SLK: variants seen among roughly 807,000 people sequenced by gnomAD.
SLK encodes STE20 like kinase.
SLK carries 67 observed loss-of-function variants against 147.7 expected under a neutral mutation model. The observed-to-expected ratio is 0.45, with a 90% CI of 0.37 to 0.56. SLK has a LOEUF of 0.56. Among genes scored for constraint, SLK ranks in the 20% least tolerant of loss-of-function variants. The pLI is 0.00. For synonymous variants in SLK, 441 were observed against 475.0 expected (o/e 0.93, Z 0.93); for missense variants, 1,136 against 1,438.8 (o/e 0.79, Z 3.41).
intron 1 of SLK, among the ~76,000 whole-genome samples, chr10:103,975,416 G>A (rs1298736188): frequency 6.6e-6 from 1 of 151,936 alleles, no homozygotes; most frequent in Non-Finnish European, 1.5e-5. Flanking sequence ...TGCCTTCCCC[G>A]CCAAACCTAA....
At chr10:104,018,936 T>C (rs765780422) in intron 15 of SLK, 28 bp downstream of exon 15, 1 of 1,546,862 alleles carries the variant, frequency 6.5e-7, no homozygotes, top group East Asian at 2.3e-5. Flanking sequence ...TTCTTCATTT[T>C]TTTGTTCGTT....
intron 1 of SLK, among the ~76,000 whole-genome samples, chr10:103,982,606 A>G (rs1478444019): frequency 5.3e-5 from 8 of 152,248 alleles, no homozygotes. Flanking sequence ...AAGAATATGT[A>G]CAGTCGATCC....
chr10:103,986,480 CAG>C (rs1844014978), intron 1 of SLK, among the ~76,000 whole-genome samples: 1 of 152,090 alleles, frequency 6.6e-6, no homozygotes, highest in Non-Finnish European at 1.5e-5. Context: ...TGACAGGAGA[CAG>C]AGCTCAGGTG....
Position 104,019,775 on chromosome 10 carries a change from G to A in SLK, c.3174G>A (p.Glu1058=). 6.2e-7 allele frequency: 1 copy of A among 1,614,114 alleles called. No individual in the cohort carries two copies. Among genetic ancestry groups the A allele is most frequent in the Non-Finnish European group, 8.5e-7 (1 of 1,179,970 alleles). The change falls in exon 16 of 19, where the codon GAG becomes GAA. Residue 1058 remains glutamate, a synonymous_variant. Transcript: ENST00000369755. ...QMQRYNQRLI[E]ELKNRQTQER... ...AGCGTTACAATCAAAGACTTATTGA[G>A]GAATTGAAAAACAGACAGACTCAAG...
rs1262391774 is a variant in SLK at position 103,999,306 on chromosome 10, T to C, written c.775T>C (p.Ser259Pro). 6.3e-7 allele frequency: 1 copy of C among 1,594,154 alleles called. No individual in the cohort carries two copies. The highest frequency in any genetic ancestry group is 8.5e-7 in the Non-Finnish European group (1 of 1,173,322). Reference protein sequence around the residue: ...KSEPPTLAQPSRWSSNFKDFL... With the variant: ...KSEPPTLAQPPRWSSNFKDFL... ...TGAGCCACCTACATTAGCACAGCCA[T>C]CCAGATGGTAAAAATATTCTTAAAA... The change falls in exon 6 of 19, where the codon TCC (serine) becomes CCC (proline). Residue 259 changes from serine (S) to proline (P), a missense_variant. By Grantham distance (74) the Ser-to-Pro change is moderately conservative. Coordinates refer to ENST00000369755, the MANE Select transcript of SLK (RefSeq NM_014720.4).
At position 103,992,582 on chromosome 10, in the gene SLK, T is replaced by A; in HGVS notation, c.316-16T>A. 1 of 1,581,738 alleles carries A rather than the reference T, an allele frequency of 6.3e-7. No homozygotes were observed. The highest frequency in any genetic ancestry group is 8.5e-7 in the Non-Finnish European group (1 of 1,170,216). On this transcript the variant is annotated splice_polypyrimidine_tract_variant and intron_variant, in intron 2 of 18. Coordinates refer to ENST00000369755, the MANE Select transcript of SLK (RefSeq NM_014720.4). ...TAGTTTTAGACACACGCTTTTTTTT[T>A]TTTTTTTGCATGCAGATCCTCATTG... is the stretch of plus-strand genomic sequence containing the variant.
Position 103,967,835 on chromosome 10 carries a change from C to G in SLK, c.90C>G (p.Pro30=), listed in dbSNP as rs1337794451. The G allele has an allele frequency of 6.2e-7, 1 of 1,614,084 alleles. No individual in the cohort carries two copies. Among genetic ancestry groups the G allele is most frequent in the Non-Finnish European group, 8.5e-7 (1 of 1,179,976 alleles). The change falls in exon 1 of 19, where the codon CCC becomes CCG. Residue 30 remains proline, a synonymous_variant. Coordinates refer to ENST00000369755, the MANE Select transcript of SLK (RefSeq NM_014720.4). ...AACACGTGAAGAGGGACCTGAACCCCGAAGACTTTTGGGAGATTATAGGAG... is the reference window on the plus strand; with the variant it reads ...AACACGTGAAGAGGGACCTGAACCCGGAAGACTTTTGGGAGATTATAGGAG... ...QYEHVKRDLN[P]EDFWEIIGEL...
At chr10:104,014,203 T>A (rs1183268589) in intron 13 of SLK, among the ~76,000 whole-genome samples, 1 of 152,242 alleles carries the variant, frequency 6.6e-6, no homozygotes, top group Non-Finnish European at 1.5e-5. Context: ...TATGTAGATG[T>A]TTTAATTATG....
intron 9 of SLK, among the ~76,000 whole-genome samples, chr10:104,004,999 C>T (rs571026263): frequency 5.3e-5 from 8 of 151,962 alleles, no homozygotes; most frequent in East Asian, 3.9e-4. Flanking sequence ...GAGGGGCTGT[C>T]GATATTATTG....
At chr10:103,976,655 T>A (rs1375495981) in intron 1 of SLK, among the ~76,000 whole-genome samples, 1 of 152,130 alleles carries the variant, frequency 6.6e-6, no homozygotes, top group Non-Finnish European at 1.5e-5. Context: ...TTTGTGAGTT[T>A]TAGTAAATCT....
In SLK at chr10:104,018,267, T is replaced by C. The variant is rs780570149; in HGVS notation, c.2985T>C (p.Asn995=). Residue 995 remains asparagine, a synonymous_variant, in exon 14 of 19, where the codon AAT becomes AAC. Coordinates refer to ENST00000369755, the MANE Select transcript of SLK (RefSeq NM_014720.4). ...ELANIERECL[N]NKQQLMRARE... Reference sequence around the variant, plus strand: ...CTAATATTGAGAGAGAGTGCCTGAATAACAAGCAACAGCTCATGAGAGGTA... The same window carrying C: ...CTAATATTGAGAGAGAGTGCCTGAACAACAAGCAACAGCTCATGAGAGGTA... The C allele has an allele frequency of 1.3e-6, 2 of 1,596,800 alleles. No individual in the cohort carries two copies. The highest frequency in any genetic ancestry group is 1.7e-6 in the Non-Finnish European group (2 of 1,175,918).
Position 104,002,412 on chromosome 10 carries a change from C to T in SLK, c.1234C>T (p.Leu412Phe). 1 of 1,613,938 alleles carries T rather than the reference C, an allele frequency of 6.2e-7. No homozygotes were observed. Among genetic ancestry groups the T allele is most frequent in the Non-Finnish European group, 8.5e-7 (1 of 1,180,004 alleles). ...TGCTCAGTTAGAAGCAATGACTGAA[C>T]TCCATGACAGAACAGCAGTAATCAA... ...TDAQLEAMTELHDRTAVIKEN... is the reference protein window; with the variant it reads ...TDAQLEAMTEFHDRTAVIKEN... Residue 412 changes from leucine (L) to phenylalanine (F), a missense_variant, in exon 9 of 19, where the codon CTC becomes TTC. Transcript: ENST00000369755.
At position 103,967,728 on chromosome 10, in the gene SLK, T is replaced by G. The variant is rs200364911; in HGVS notation, c.-18T>G. On this transcript the variant is annotated 5_prime_UTR_variant, in exon 1 of 19. Coordinates refer to ENST00000369755, the MANE Select transcript of SLK (RefSeq NM_014720.4). ...TTTTTAGTCCTTAAGTGCAAGGAACTCTGTGTTGGGAGGAAAAATGTCCTT... is the reference window on the plus strand; with the variant it reads ...TTTTTAGTCCTTAAGTGCAAGGAACGCTGTGTTGGGAGGAAAAATGTCCTT... The G allele has an allele frequency of 1.9e-4, 311 of 1,613,268 alleles. 1 individual carries two copies. The highest frequency in any genetic ancestry group is 2.6e-4 in the Non-Finnish European group (301 of 1,179,452).
Position 104,021,611 on chromosome 10 carries a change from T to G in SLK, c.3448-9T>G, listed in dbSNP as rs371230844. On this transcript the variant is annotated splice_polypyrimidine_tract_variant and intron_variant, in intron 17 of 18. Transcript: ENST00000369755. ...CTGAAATTTTTTTAAATCCCAACTT[T>G]ATTTTCAGAATGAAAAATGCCACTT... is the stretch of plus-strand genomic sequence containing the variant. 5 of 1,547,368 alleles carry G rather than the reference T, an allele frequency of 3.2e-6. No individual in the cohort carries two copies. The highest frequency in any genetic ancestry group is 4.4e-6 in the Non-Finnish European group (5 of 1,137,622).
intron 4 of SLK, among the ~76,000 whole-genome samples, chr10:103,995,763 A>T (rs1844163003): frequency 6.6e-6 from 1 of 152,112 alleles, no homozygotes; most frequent in Non-Finnish European, 1.5e-5. Flanking sequence ...GGTTTCTTTT[A>T]GTAGAATATA....
chr10:103,980,490 A>G (rs181933897), intron 1 of SLK, among the ~76,000 whole-genome samples: 1 of 152,024 alleles, frequency 6.6e-6, no homozygotes, highest in Admixed American at 6.5e-5. Context: ...GTAACTTCCT[A>G]TTTCTTCCTT....
At chr10:103,984,086 A>T (rs1843980922) in intron 1 of SLK, among the ~76,000 whole-genome samples, 1 of 152,198 alleles carries the variant, frequency 6.6e-6, no homozygotes, top group African/African-American at 2.4e-5. Flanking sequence ...CTATTAAAAT[A>T]ATCAATGTGA....
intron 13 of SLK, among the ~76,000 whole-genome samples, chr10:104,014,660 A>G (rs907811139): frequency 6.6e-6 from 1 of 152,216 alleles, no homozygotes; most frequent in African/African-American, 2.4e-5. Context: ...ATCAAATTCT[A>G]TACAAATAGC....
At chr10:103,987,102 T>C (rs530368922) in intron 1 of SLK, among the ~76,000 whole-genome samples, 6 of 152,298 alleles carry the variant, frequency 3.9e-5, no homozygotes, top group Admixed American at 3.9e-4. Context: ...TTCAGTTTTG[T>C]TTTTTTAAAG....
Sources: gnomAD v4.1 joint callset for allele counts (sites outside exome capture counted in the v4.1 genomes callset) on GRCh38, gnomAD v4.1.1 for gene constraint, MANE v1.5 for transcripts, NCBI Gene and HGNC (gene_info 2026-07-23, HGNC 2026-07-21) for gene names.